WT1: variants seen among roughly 807,000 people sequenced by gnomAD.
WT1 encodes WT1 transcription factor.
In WT1, 8 loss-of-function variants were observed where a neutral mutation model predicts 60.8. The ratio of observed to expected loss-of-function variants is 0.13; its 90% confidence interval spans 0.08 to 0.24. The LOEUF (loss-of-function observed/expected upper bound fraction) is 0.24. Among genes scored for constraint, WT1 ranks in the 10% least tolerant of loss-of-function variants. The pLI is 1.00. For missense variants in WT1, 568 were observed against 711.8 expected (o/e 0.80, Z 2.30); for synonymous variants, 312 against 297.1 (o/e 1.05, Z -0.52).
intron 1 of WT1, among the ~76,000 whole-genome samples, chr11:32,432,370 C>G (rs1032093212): frequency 2.0e-5 from 3 of 152,174 alleles, no homozygotes; most frequent in Non-Finnish European, 4.4e-5. Context: ...GGGGAAGCAG[C>G]AGGAACCCTG....
At chr11:32,416,350 G>C in intron 5 of WT1, 140 bp downstream of exon 5, 1 of 1,027,296 alleles carries the variant, frequency 9.7e-7, no homozygotes, top group South Asian at 1.3e-5. Flanking sequence ...AAGAAGAGGT[G>C]GGGGCGGGGG....
At chr11:32,426,663 G>A (rs1853049265) in intron 3 of WT1, among the ~76,000 whole-genome samples, 4 of 151,026 alleles carry the variant, frequency 2.6e-5, no homozygotes, top group Admixed American at 2.6e-4. Context: ...GTTTCGAATA[G>A]ATAAACCGGA....
Position 32,417,561 on chromosome 11 carries a change from A to C in WT1, c.965+16T>G, listed in dbSNP as rs749089073. ...TAAGTTACTGTGGAAAGGCAATGGA[A>C]TAGAGAAAACCTTACCCCTTTAAGG... On this transcript the variant is annotated intron_variant, in intron 4 of 9. Transcript: ENST00000452863. 1 of 1,609,488 alleles carries C rather than the reference A, an allele frequency of 6.2e-7. No homozygotes were observed. Among genetic ancestry groups the C allele is most frequent in the Non-Finnish European group, 8.5e-7 (1 of 1,175,806 alleles).
At chr11:32,403,738 CTAATTTTTTTGTAGT>C (rs1852227051) in intron 5 of WT1, among the ~76,000 whole-genome samples, 1 of 151,866 alleles carries the variant, frequency 6.6e-6, no homozygotes, top group Non-Finnish European at 1.5e-5. Context: ...CCACGCCCGG[CTAATTTTTTTGTAGT>C]TTTAGTAGAG....
At chr11:32,428,907 G>A in intron 1 of WT1, 1 of 491,808 alleles carries the variant, frequency 2.0e-6, no homozygotes. Flanking sequence ...TGCCGCTTCT[G>A]CAGCGAACCC....
chr11:32,435,138 C>T lies in WT1; in HGVS notation c.223G>A (p.Gly75Ser), dbSNP rs528076586. ...GCGTTCAGGTCCCGCACGTCGGAGC[C>T]CATTTGCTGCGGCTCAGACCCGGAC... is the stretch of plus-strand genomic sequence containing the variant. Residue 75 changes from glycine to serine, a missense_variant, in exon 1 of 10, where the codon GGC (glycine) becomes AGC (serine). By Grantham distance (56) the Gly-to-Ser change is moderately conservative. Transcript: ENST00000452863. 54 of 1,519,212 alleles carry T rather than the reference C, an allele frequency of 3.6e-5. No individual in the cohort carries two copies. The highest frequency in any genetic ancestry group is 1.2e-4 in the South Asian group (10 of 82,452). The allele number at this position is 1,519,212 out of a possible 1,614,324, so 94.1% of individuals were successfully genotyped here. A position where few individuals can be genotyped will look rare whatever the true frequency, so the allele number is the denominator to read the frequency against.
At chr11:32,417,022 CT>C (rs5030205) in intron 4 of WT1, among the ~76,000 whole-genome samples, 2 of 152,094 alleles carry the variant, frequency 1.3e-5, no homozygotes, top group African/African-American at 2.4e-5. Flanking sequence ...CACCTGCCTT[CT>C]TTTTTTTATT....
chr11:32,409,996 G>A (rs1051178251), intron 5 of WT1, among the ~76,000 whole-genome samples: 3 of 151,722 alleles, frequency 2.0e-5, no homozygotes, highest in Admixed American at 6.6e-5. Context: ...GCACGATCTC[G>A]GCTCACTGCA....
chr11:32,410,319 A>C (rs1204397568), intron 5 of WT1, among the ~76,000 whole-genome samples: 1 of 152,164 alleles, frequency 6.6e-6, no homozygotes, highest in African/African-American at 2.4e-5. Flanking sequence ...AAAGCAGAAC[A>C]ATTTAAAACA....
At chr11:32,398,216 A>G (rs548911544) in intron 6 of WT1, among the ~76,000 whole-genome samples, 1 of 152,318 alleles carries the variant, frequency 6.6e-6, no homozygotes, top group South Asian at 2.1e-4. Context: ...ATTAATCAGA[A>G]CATCTCAGAG....
chr11:32,391,238 T>G (rs903352019), intron 9 of WT1, among the ~76,000 whole-genome samples: 4 of 113,870 alleles, frequency 3.5e-5, no homozygotes. Context: ...ACCCACCTCA[T>G]CCCAAATAGC....
Position 32,388,376 on chromosome 11 carries a change from T to A in WT1, c.*682A>T, listed in dbSNP as rs1352809169. ...GATCTTCATAGTTTCTTAAGAGCAG[T>A]GTGCCAGTGTTCACATTGAATTAAC... On this transcript the variant is annotated 3_prime_UTR_variant, in exon 10 of 10. Coordinates refer to ENST00000452863, the MANE Select transcript of WT1 (RefSeq NM_024426.6). 4.3e-6 allele frequency: 1 copy of A among 233,660 alleles called. No homozygotes were observed. Among genetic ancestry groups the A allele is most frequent in the Non-Finnish European group, 8.5e-6 (1 of 118,304 alleles). The allele number at this position is 233,660 out of a possible 1,614,324, so 14.5% of individuals were successfully genotyped here.
chr11:32,404,040 G>A (rs1007816303), intron 5 of WT1, among the ~76,000 whole-genome samples: 4 of 151,972 alleles, frequency 2.6e-5, no homozygotes, highest in South Asian at 2.1e-4. Context: ...TTGGGAGGCC[G>A]AGGCAGGCGG....
At chr11:32,429,566 G>A (rs1853199169) in intron 1 of WT1, among the ~76,000 whole-genome samples, 1 of 150,140 alleles carries the variant, frequency 6.7e-6, no homozygotes, top group African/African-American at 2.5e-5. Context: ...TACCCCACAA[G>A]CTTCTGGAAA....
At chr11:32,399,591 T>C (rs1852084023) in intron 6 of WT1, among the ~76,000 whole-genome samples, 1 of 152,230 alleles carries the variant, frequency 6.6e-6, no homozygotes, top group Non-Finnish European at 1.5e-5. Context: ...CACTTTACGA[T>C]GTAGACCAAA....
At chr11:32,394,276 T>C (rs16923227) in intron 7 of WT1, among the ~76,000 whole-genome samples, 2,825 of 152,238 alleles carry the variant, frequency 0.019, 62 homozygotes, top group Middle Eastern at 0.095. Flanking sequence ...TTGAGTCTGA[T>C]TTCCTTCCCC....
chr11:32,424,331 A>C (rs906025227), intron 3 of WT1, among the ~76,000 whole-genome samples: 2 of 152,166 alleles, frequency 1.3e-5, no homozygotes, highest in Non-Finnish European at 2.9e-5. Flanking sequence ...TGTGACTTTG[A>C]GCAAGTTACT....
intron 6 of WT1, among the ~76,000 whole-genome samples, chr11:32,398,474 C>T (rs1336588147): frequency 1.3e-5 from 2 of 152,126 alleles, no homozygotes; most frequent in African/African-American, 4.8e-5. Flanking sequence ...TTCTCCAAAA[C>T]TTTTACCTTT....
At chr11:32,415,970 G>A (rs1266572965) in intron 5 of WT1, among the ~76,000 whole-genome samples, 1 of 152,148 alleles carries the variant, frequency 6.6e-6, no homozygotes, top group African/African-American at 2.4e-5. Context: ...AAAAGAAACA[G>A]CTACAGAAAT....
Sources: allele counts gnomAD v4.1 joint callset (sites outside exome capture counted in the v4.1 genomes callset), GRCh38; gene constraint gnomAD v4.1.1; transcripts MANE v1.5; gene names NCBI Gene and HGNC (gene_info 2026-07-23, HGNC 2026-07-21).